Variants in SPATA13 observed in about 807,000 individuals in gnomAD.
The protein encoded by SPATA13 is spermatogenesis associated 13.
Under a neutral mutation model 104.0 loss-of-function variants are expected in SPATA13, and 50 were observed. That is an observed-to-expected ratio of 0.48 (90% confidence interval 0.38 to 0.61). SPATA13 has a LOEUF of 0.61. Ranked by LOEUF, SPATA13 falls within the 20% of genes least tolerant of loss-of-function variation. SPATA13 has a pLI of 0.00. For synonymous variants in SPATA13, 606 were observed against 667.5 expected (o/e 0.91, Z 1.42); for missense variants, 1,524 against 1,690.6 (o/e 0.90, Z 1.73).
intron 9 of SPATA13, among the ~76,000 whole-genome samples, chr13:24,293,122 GAGTT>G (rs577477789): frequency 2.0e-4 from 29 of 148,538 alleles, no homozygotes; most frequent in African/African-American, 6.4e-4. Context: ...GTTAGCTAAA[GAGTT>G]AGGACTAAAG....
intron 2 of SPATA13, 147 bp from the exon 3 acceptor site, chr13:24,249,330 T>C (rs1873341688): frequency 2.0e-6 from 2 of 1,004,254 alleles, no homozygotes; most frequent in African/African-American, 3.3e-5. Flanking sequence ...TGTCTTCATG[T>C]TCTAGTACAC....
At chr13:24,142,077 A>G (rs560256773) in intron 3 of SPATA13, among the ~76,000 whole-genome samples, 28 of 151,600 alleles carry the variant, frequency 1.8e-4, no homozygotes, top group Non-Finnish European at 1.3e-4. Flanking sequence ...TATTAGAGCA[A>G]TCTTGGACAG....
intron 3 of SPATA13, among the ~76,000 whole-genome samples, chr13:24,130,965 G>A (rs533924032): frequency 6.6e-6 from 1 of 152,252 alleles, no homozygotes; most frequent in South Asian, 2.1e-4. Flanking sequence ...CAGGGGTGGA[G>A]CGGGGGACGC....
At chr13:24,108,749 C>G (rs1359097781) in intron 3 of SPATA13, among the ~76,000 whole-genome samples, 1 of 152,110 alleles carries the variant, frequency 6.6e-6, no homozygotes, top group Non-Finnish European at 1.5e-5. Flanking sequence ...CCTTTCAAGC[C>G]TGGAGGCCCC....
intron 3 of SPATA13, among the ~76,000 whole-genome samples, chr13:24,078,725 A>AG (rs1879411467): frequency 6.6e-6 from 1 of 152,228 alleles, no homozygotes; most frequent in Non-Finnish European, 1.5e-5. Flanking sequence ...TCTGCTGTCA[A>AG]TAGCCCATCA....
upstream of SPATA13, among the ~76,000 whole-genome samples, chr13:24,159,345 A>G (rs1304283014): frequency 1.3e-5 from 2 of 152,232 alleles, no homozygotes; most frequent in East Asian, 1.9e-4. Flanking sequence ...ATAACAATTC[A>G]AAGAATTAAA....
chr13:24,207,996 T>C (rs760566991), intron 1 of SPATA13, among the ~76,000 whole-genome samples: 1 of 152,208 alleles, frequency 6.6e-6, no homozygotes, highest in Non-Finnish European at 1.5e-5. Context: ...CTCCACCTCA[T>C]GTGTAATTAG....
At chr13:24,184,665 T>C (rs1476698923) in intron 1 of SPATA13, among the ~76,000 whole-genome samples, 2 of 152,162 alleles carry the variant, frequency 1.3e-5, no homozygotes, top group Non-Finnish European at 2.9e-5. Flanking sequence ...TTGTTTTCTG[T>C]GCAGGACAAA....
At chr13:24,268,048 T>C (rs573901973) in intron 4 of SPATA13, among the ~76,000 whole-genome samples, 96 of 152,302 alleles carry the variant, frequency 6.3e-4, no homozygotes, top group South Asian at 1.7e-3. Context: ...CTACTGTGAG[T>C]AGCAAGGCCA....
At chr13:24,256,002 A>G (rs1277320758) in intron 4 of SPATA13, among the ~76,000 whole-genome samples, 1 of 152,248 alleles carries the variant, frequency 6.6e-6, no homozygotes, top group African/African-American at 2.4e-5. Context: ...AGATAGTGAA[A>G]TACTTTCTGC....
intron 4 of SPATA13, among the ~76,000 whole-genome samples, chr13:24,254,882 G>A (rs1873705558): frequency 6.6e-6 from 1 of 152,028 alleles, no homozygotes; most frequent in East Asian, 1.9e-4. Flanking sequence ...AGGAAGACTG[G>A]CATCTAGCTG....
intron 1 of SPATA13, among the ~76,000 whole-genome samples, chr13:24,176,042 G>A (rs1300314931): frequency 1.3e-5 from 2 of 152,178 alleles, no homozygotes; most frequent in Non-Finnish European, 2.9e-5. Flanking sequence ...CCTGTCTGCT[G>A]GGTACTGGAG....
chr13:24,137,628 G>T (rs1196946970), intron 3 of SPATA13, among the ~76,000 whole-genome samples: 1 of 152,004 alleles, frequency 6.6e-6, no homozygotes. Flanking sequence ...AGCGTGGTAC[G>T]CATGCCTCTA....
At chr13:23,998,436 A>G (rs1352909152) in intron 2 of SPATA13, among the ~76,000 whole-genome samples, 1 of 152,166 alleles carries the variant, frequency 6.6e-6, no homozygotes, top group Non-Finnish European at 1.5e-5. Flanking sequence ...ATGTTATTGC[A>G]GTTGAGAGTG....
intron 1 of SPATA13, among the ~76,000 whole-genome samples, chr13:23,982,135 T>C (rs1023652192): frequency 1.3e-5 from 2 of 152,250 alleles, no homozygotes. Context: ...CAAAATACAC[T>C]AGTTATCATT....
chr13:24,181,985 C>G (rs1207248690), intron 1 of SPATA13, among the ~76,000 whole-genome samples: 2 of 152,152 alleles, frequency 1.3e-5, no homozygotes, highest in African/African-American at 2.4e-5. Flanking sequence ...TGTGGTGGCA[C>G]TCTCCTAAAA....
At chr13:24,203,900 C>T (rs541154414) in intron 1 of SPATA13, among the ~76,000 whole-genome samples, 1 of 152,268 alleles carries the variant, frequency 6.6e-6, no homozygotes, top group Admixed American at 6.5e-5. Flanking sequence ...AGACACTGTA[C>T]TGTGTGTATA....
intron 3 of SPATA13, among the ~76,000 whole-genome samples, chr13:24,110,644 T>TG (rs1258640233): frequency 3.3e-5 from 5 of 152,196 alleles, no homozygotes; most frequent in African/African-American, 1.2e-4. Context: ...GGCCAGACAC[T>TG]GGGCTAGATC....
chr13:24,139,724 A>G (rs1593355396), intron 3 of SPATA13, among the ~76,000 whole-genome samples: 1 of 152,222 alleles, frequency 6.6e-6, no homozygotes, highest in South Asian at 2.1e-4. Flanking sequence ...GCTTAGCTAC[A>G]TGATGTAGAA....
Sources: allele counts gnomAD v4.1 joint callset (sites outside exome capture counted in the v4.1 genomes callset), GRCh38; gene constraint gnomAD v4.1.1; transcripts MANE v1.5; gene names NCBI Gene and HGNC (gene_info 2026-07-23, HGNC 2026-07-21).